The following THSD7B variants were observed in gnomAD, a reference collection of about 807,000 sequenced individuals.
THSD7B encodes the protein thrombospondin type 1 domain containing 7B, also known as thrombospondin type-1 domain-containing protein 7B.
Under a neutral mutation model 213.6 loss-of-function variants are expected in THSD7B, and 138 were observed. The observed-to-expected ratio is 0.65, with a 90% CI of 0.56 to 0.74. The LOEUF is 0.74. Ranked by LOEUF, THSD7B falls within the 30% of genes least tolerant of loss-of-function variation. The probability of loss-of-function intolerance (pLI) is 0.00; values close to 1 mark genes in which losing one functional copy is unlikely to be tolerated. For missense variants in THSD7B, 1,931 were observed against 1,991.5 expected (o/e 0.97, Z 0.58); for synonymous variants, 742 against 687.0 (o/e 1.08, Z -1.25).
chr2:136,891,758 G>A (rs1683864170), intron 2 of THSD7B, among the ~76,000 whole-genome samples: 1 of 152,192 alleles, frequency 6.6e-6, no homozygotes, highest in Non-Finnish European at 1.5e-5. Flanking sequence ...TTTCAAACAA[G>A]TGACACAGCA....
intron 2 of THSD7B, among the ~76,000 whole-genome samples, chr2:136,967,066 G>A (rs531259248): frequency 6.6e-6 from 1 of 152,086 alleles, no homozygotes; most frequent in South Asian, 2.1e-4. Context: ...AGCGAATGCT[G>A]TTTCTATTTT....
chr2:137,009,912 A>G (rs913054008), intron 2 of THSD7B, among the ~76,000 whole-genome samples: 2 of 152,194 alleles, frequency 1.3e-5, no homozygotes, highest in African/African-American at 4.8e-5. Flanking sequence ...TTTCATAAAC[A>G]TTTCCTTAAG....
chr2:137,489,260 A>C (rs776068331), intron 15 of THSD7B, among the ~76,000 whole-genome samples: 2 of 151,750 alleles, frequency 1.3e-5, no homozygotes, highest in Non-Finnish European at 2.9e-5. Context: ...CCCCATCTCT[A>C]CTAAAATACA....
At chr2:137,079,580 T>G (rs1019376607) in intron 3 of THSD7B, among the ~76,000 whole-genome samples, 2 of 152,178 alleles carry the variant, frequency 1.3e-5, no homozygotes, top group Admixed American at 1.3e-4. Context: ...TCCATCCCTT[T>G]ATTTTTAGCC....
chr2:137,514,787 C>T (rs1311491236), intron 15 of THSD7B, among the ~76,000 whole-genome samples: 1 of 152,150 alleles, frequency 6.6e-6, no homozygotes, highest in African/African-American at 2.4e-5. Flanking sequence ...GCATTTGACA[C>T]TCCTGATTCA....
At chr2:137,539,206 T>C (rs1305370390) in intron 15 of THSD7B, among the ~76,000 whole-genome samples, 1 of 151,474 alleles carries the variant, frequency 6.6e-6, no homozygotes, top group East Asian at 2.0e-4. Context: ...TAGACTGGAG[T>C]GATATTTATA....
intron 14 of THSD7B, among the ~76,000 whole-genome samples, chr2:137,435,923 T>C (rs1254315498): frequency 2.0e-5 from 3 of 152,118 alleles, no homozygotes; most frequent in African/African-American, 4.8e-5. Context: ...CTTCTACCAC[T>C]TTCTCTCCAT....
At chr2:137,114,992 TC>T in intron 4 of THSD7B, 131 bp from the exon 5 acceptor site, 1 of 950,048 alleles carries the variant, frequency 1.1e-6, no homozygotes, top group South Asian at 1.7e-5. Flanking sequence ...CTAGTATACT[TC>T]TTTATCCACA....
chr2:137,605,533 A>G (rs1277091521), intron 17 of THSD7B, among the ~76,000 whole-genome samples: 1 of 152,152 alleles, frequency 6.6e-6, no homozygotes, highest in African/African-American at 2.4e-5. Flanking sequence ...CTTGGCCCCA[A>G]GGAACATACA....
At chr2:136,859,776 A>G (rs532956098) in intron 1 of THSD7B, among the ~76,000 whole-genome samples, 10 of 152,344 alleles carry the variant, frequency 6.6e-5, no homozygotes, top group African/African-American at 2.4e-4. Flanking sequence ...GAGAAGTAGT[A>G]TAGCCCCAAA....
At chr2:137,563,165 T>C (rs1681157458) in intron 15 of THSD7B, 56 bp from the exon 16 acceptor site, 32 of 1,576,152 alleles carry the variant, frequency 2.0e-5, no homozygotes, top group African/African-American at 1.1e-4. Context: ...AGATAGGCTA[T>C]TTTTCTATAA....
intron 15 of THSD7B, among the ~76,000 whole-genome samples, chr2:137,478,978 A>T (rs1377838243): frequency 6.6e-6 from 1 of 152,174 alleles, no homozygotes; most frequent in Non-Finnish European, 1.5e-5. Flanking sequence ...CCAGGGAAGC[A>T]TATGCATATG....
intron 10 of THSD7B, among the ~76,000 whole-genome samples, chr2:137,260,687 C>G (rs1408742194): frequency 6.6e-6 from 1 of 152,096 alleles, no homozygotes; most frequent in Non-Finnish European, 1.5e-5. Flanking sequence ...ATTGCTTGAG[C>G]CTGGGAAGTT....
chr2:137,445,193 G>A (rs964994074), intron 14 of THSD7B, among the ~76,000 whole-genome samples: 13 of 152,060 alleles, frequency 8.5e-5, no homozygotes, highest in African/African-American at 2.9e-4. Flanking sequence ...ATGAAAAACA[G>A]TATGGAGATT....
intron 17 of THSD7B, among the ~76,000 whole-genome samples, chr2:137,590,786 G>A (rs1681846501): frequency 9.7e-6 from 1 of 103,544 alleles, no homozygotes; most frequent in Non-Finnish European, 2.0e-5. Flanking sequence ...CCTCTGCTTT[G>A]AAATAGTTTT....
At chr2:137,399,202 T>C (rs1486661848) in intron 12 of THSD7B, among the ~76,000 whole-genome samples, 1 of 58,996 alleles carries the variant, frequency 1.7e-5, no homozygotes, top group African/African-American at 3.4e-5. Flanking sequence ...CCCCTTTTTT[T>C]TTTTTTTTAA....
intron 21 of THSD7B, among the ~76,000 whole-genome samples, chr2:137,644,525 T>C (rs932597034): frequency 6.6e-6 from 1 of 152,076 alleles, no homozygotes; most frequent in African/African-American, 2.4e-5. Flanking sequence ...CATGACAATA[T>C]CTAAGTTGAG....
intron 10 of THSD7B, among the ~76,000 whole-genome samples, chr2:137,259,972 C>T (rs1229012970): frequency 6.6e-6 from 1 of 151,878 alleles, no homozygotes; most frequent in Non-Finnish European, 1.5e-5. Flanking sequence ...GGTTTTGCCT[C>T]CTCTTTCCTG....
rs1681995524 is a variant in THSD7B at position 137,597,982 on chromosome 2, C to T, written c.3424-18193C>T. On this transcript the variant is annotated intron_variant, in intron 17 of 27. Transcript: ENST00000409968. ...AAATAAATGGTAGAAGACATAAAAG[C>T]CCCCAACAATTGAGCTTGAGTCTCT... is the stretch of plus-strand genomic sequence containing the variant. Among the ~76,000 whole-genome samples the T allele has an allele frequency of 2.0e-5, 3 of 151,942 alleles. No homozygotes were observed. The South Asian group carries it at 6.2e-4, about 32-fold the overall frequency.
Sources: allele counts gnomAD v4.1 joint callset (sites outside exome capture counted in the v4.1 genomes callset), GRCh38; gene constraint gnomAD v4.1.1; transcripts MANE v1.5; gene names NCBI Gene and HGNC (gene_info 2026-07-23, HGNC 2026-07-21).